URB1: variants seen among roughly 807,000 people sequenced by gnomAD.
The protein encoded by URB1 is URB1 ribosome biogenesis factor.
URB1 carries 197 observed loss-of-function variants against 242.3 expected under a neutral mutation model. That is an observed-to-expected ratio of 0.81 (90% CI 0.72 to 0.91). The LOEUF is 0.91. Ranked by LOEUF, URB1 falls within the 40% of genes least tolerant of loss-of-function variation. The pLI, the probability that URB1 is intolerant of heterozygous loss-of-function variation, is 0.00. For missense variants in URB1, 2,721 were observed against 2,860.5 expected (o/e 0.95, Z 1.11); for synonymous variants, 1,153 against 1,201.8 (o/e 0.96, Z 0.84).
chr21:32,312,892 T>C lies in URB1; in HGVS notation c.*2026A>G, dbSNP rs1422392637. On this transcript the variant is annotated 3_prime_UTR_variant, in exon 39 of 39. Transcript: ENST00000382751. ...CTAATTTAGCATTTTATATTTTAAGTCAGGTGAAGACCATGTTCGATCTAT... is the reference window on the plus strand; with the variant it reads ...CTAATTTAGCATTTTATATTTTAAGCCAGGTGAAGACCATGTTCGATCTAT... 2.0e-5 allele frequency: 3 copies of C among 152,130 alleles called. No individual in the cohort carries two copies. The highest frequency in any genetic ancestry group is 7.2e-5 in the African/African-American group (3 of 41,422). 9.4% of individuals were successfully genotyped at this position (152,130 alleles called of 1,614,324 possible). A position where few individuals can be genotyped will look rare whatever the true frequency, so the allele number is the denominator to read the frequency against.
At chr21:32,373,295 A>G (rs1424587206) in intron 7 of URB1, among the ~76,000 whole-genome samples, 2 of 152,180 alleles carry the variant, frequency 1.3e-5, no homozygotes, top group African/African-American at 4.8e-5. Flanking sequence ...ACAACTGGAC[A>G]TGAAAGAATG....
At position 32,321,785 on chromosome 21, in the gene URB1, T is replaced by G; in HGVS notation, c.5484+16A>C. 1 of 1,551,242 alleles carries G rather than the reference T, an allele frequency of 6.4e-7. No individual in the cohort carries two copies. The highest frequency in any genetic ancestry group is 8.7e-7 in the Non-Finnish European group (1 of 1,146,694). On this transcript the variant is annotated intron_variant, in intron 34 of 38. Transcript: ENST00000382751. ...CAGACCTCTCGCTCTCAAATAAGCT[T>G]GCGGAACCCATGTACCTGTGCTGCC... is the stretch of plus-strand genomic sequence containing the variant.
At chr21:32,364,740 G>A (rs2033326502) in intron 10 of URB1, among the ~76,000 whole-genome samples, 1 of 152,086 alleles carries the variant, frequency 6.6e-6, no homozygotes, top group South Asian at 2.1e-4. Context: ...TTCTCCTCCT[G>A]ACTCTAAAAT....
chr21:32,386,671 G>A (rs1205813664), intron 1 of URB1, among the ~76,000 whole-genome samples: 2 of 152,118 alleles, frequency 1.3e-5, no homozygotes, highest in Non-Finnish European at 2.9e-5. Flanking sequence ...ACTGTAGAAT[G>A]GGTATAACAA....
At chr21:32,337,936 A>G (rs946714187) in intron 26 of URB1, among the ~76,000 whole-genome samples, 9 of 152,068 alleles carry the variant, frequency 5.9e-5, no homozygotes, top group Non-Finnish European at 1.3e-4. Flanking sequence ...GCCAATACAG[A>G]TTTTCAATCC....
At chr21:32,361,851 A>G in intron 12 of URB1, 41 bp downstream of exon 12, 1 of 1,544,730 alleles carries the variant, frequency 6.5e-7, no homozygotes, top group Non-Finnish European at 8.7e-7. Flanking sequence ...GCTCTGTCCC[A>G]TGCAAAAGGC....
intron 6 of URB1, among the ~76,000 whole-genome samples, chr21:32,374,828 C>T (rs187047024): frequency 6.6e-6 from 1 of 152,130 alleles, no homozygotes; most frequent in African/African-American, 2.4e-5. Flanking sequence ...CAAAATTGCC[C>T]CCATTTGAGA....
intron 8 of URB1, among the ~76,000 whole-genome samples, chr21:32,369,542 C>T (rs1461371440): frequency 6.6e-6 from 1 of 152,130 alleles, no homozygotes; most frequent in African/African-American, 2.4e-5. Context: ...TCACTGCAGC[C>T]TCGAATTCCT....
At chr21:32,328,541 A>T (rs946227203) in intron 30 of URB1, among the ~76,000 whole-genome samples, 4 of 152,264 alleles carry the variant, frequency 2.6e-5, no homozygotes, top group Non-Finnish European at 4.4e-5. Context: ...GTTTTACAAA[A>T]GATGGAAGAA....
intron 17 of URB1, 28 bp downstream of exon 17, chr21:32,354,831 G>T (rs1280212462): frequency 1.3e-6 from 2 of 1,546,654 alleles, no homozygotes; most frequent in Admixed American, 2.0e-5. Flanking sequence ...TCAGACCTCT[G>T]AGCAGCGCAG....
intron 30 of URB1, 99 bp downstream of exon 30, chr21:32,333,218 G>C: frequency 2.1e-6 from 2 of 945,528 alleles, no homozygotes; most frequent in Non-Finnish European, 3.3e-6. Flanking sequence ...CCAAGATTCA[G>C]GTCCTCATGT....
chr21:32,345,444 G>C lies in URB1; in HGVS notation c.4000C>G (p.Arg1334Gly), dbSNP rs1224180387. The change falls in exon 23 of 39, where the codon CGA becomes GGA. Residue 1334 changes from arginine to glycine, a missense_variant. Physicochemically the swap from Arg to Gly is moderately radical, Grantham distance 125. Coordinates refer to ENST00000382751, the MANE Select transcript of URB1 (RefSeq NM_014825.3). Reference sequence around the variant, plus strand: ...ATGAGTACACTGAGATCCTTGGCTCGTGCAAACGGGACCAGCTGTGCCAGG... The same window carrying C: ...ATGAGTACACTGAGATCCTTGGCTCCTGCAAACGGGACCAGCTGTGCCAGG... Reference protein sequence around the residue: ...EILAQLVPFARAKDLSVLMDR... With the variant: ...EILAQLVPFAGAKDLSVLMDR... The C allele has an allele frequency of 3.2e-6, 5 of 1,551,426 alleles. No individual in the cohort carries two copies. Among genetic ancestry groups the C allele is most frequent in the Non-Finnish European group, 4.4e-6 (5 of 1,146,978 alleles).
Position 32,359,798 on chromosome 21 carries a change from G to A in URB1, c.1867C>T (p.Gln623Ter). 6.5e-7 allele frequency: 1 copy of A among 1,543,382 alleles called. No individual in the cohort carries two copies. Among genetic ancestry groups the A allele is most frequent in the Non-Finnish European group, 8.7e-7 (1 of 1,144,540 alleles). ...PASKFLWLKAQEGPDAEIIGG... is the reference protein window; with the variant it reads ...PASKFLWLKA ...AGACTGGGAGTTCTGCTTCCTACCT[G>A]TGCCTTTAACCACAGAAACTTGCTG... The change falls in exon 14 of 39, where the codon CAG (glutamine) becomes TAG (stop). Residue 623 changes from glutamine to a stop codon, truncating the protein, a stop_gained and splice_region_variant. Transcript: ENST00000382751. LOFTEE classifies it high-confidence loss of function.
chr21:32,378,483 C>G lies in URB1; in HGVS notation c.626G>C (p.Gly209Ala), dbSNP rs1362246634. ...VQFALSFLIA[G>A]DDSTIVQVLE... The stretch of plus-strand genomic sequence containing the variant: ...CACCTGCACTATAGTGCTGTCATCA[C>G]CCGCAATTAAAAAGGAGAGAGCAAA... The change falls in exon 5 of 39, where the codon GGT (glycine) becomes GCT (alanine). Residue 209 changes from glycine to alanine, a missense_variant. By Grantham distance (60) the Gly-to-Ala change is moderately conservative. Transcript: ENST00000382751. 2 of 1,551,710 alleles carry G rather than the reference C, an allele frequency of 1.3e-6. No homozygotes were observed. The highest frequency in any genetic ancestry group is 2.7e-5 in the African/African-American group (2 of 73,170).
chr21:32,363,030 C>T lies in URB1; in HGVS notation c.1509+126G>A, dbSNP rs1279345053. The T allele has an allele frequency of 6.4e-6, 8 of 1,248,300 alleles. No individual in the cohort carries two copies. The East Asian group carries it at 1.8e-4, about 28-fold the overall frequency. 77.3% of individuals were successfully genotyped at this position (1,248,300 alleles called of 1,614,324 possible). On this transcript the variant is annotated intron_variant, in intron 11 of 38. Transcript: ENST00000382751. ...CCTCAGCACCCACGCTACCACACTG[C>T]CCACCGGCCTGTCCAACCCTGCGGC...
In URB1 at chr21:32,354,212, A is replaced by G. The variant is rs2033192832; in HGVS notation, c.2246-109T>C. 4 of 1,291,992 alleles carry G rather than the reference A, an allele frequency of 3.1e-6. No individual in the cohort carries two copies. The Admixed American group carries it at 1.0e-4, about 33-fold the overall frequency. The allele number at this position is 1,291,992 out of a possible 1,614,324, so 80.0% of individuals were successfully genotyped here. ...AATACGTGCAAAAAGAAAAAAGCCA[A>G]ATTCCTCTTGGGGGGAGCATTTAAC... On this transcript the variant is annotated intron_variant, in intron 17 of 38. Transcript: ENST00000382751.
At position 32,326,368 on chromosome 21, in the gene URB1, GAT is replaced by G. The variant is rs1436529769; in HGVS notation, c.4961-981_4961-980del. Among the ~76,000 whole-genome samples the G allele has an allele frequency of 3.3e-5, 5 of 152,178 alleles. No individual in the cohort carries two copies. In the East Asian group the frequency reaches 9.6e-4, roughly 29 times the overall value. On this transcript the variant is annotated intron_variant, in intron 30 of 38. Transcript: ENST00000382751. ...ATCATGGAATATAACATCAATAAGA[GAT>G]AGTCCATTGATGACATTTTTAAAAG...
intron 38 of URB1, 128 bp from the exon 39 acceptor site, chr21:32,315,227 A>G (rs2032663740): frequency 1.2e-6 from 1 of 848,276 alleles, no homozygotes; most frequent in Non-Finnish European, 1.7e-6. Flanking sequence ...TGGGCAACCC[A>G]AGGTGAGCAC....
At position 32,316,966 on chromosome 21, in the gene URB1, G is replaced by A; in HGVS notation, c.6134C>T (p.Pro2045Leu). The change falls in exon 38 of 39, where the codon CCT (proline) becomes CTT (leucine). Residue 2045 changes from proline (P) to leucine (L), a missense_variant. Pro to Leu is a moderately conservative substitution (Grantham distance 98). Coordinates refer to ENST00000382751, the MANE Select transcript of URB1 (RefSeq NM_014825.3). The stretch of plus-strand genomic sequence containing the variant: ...CTCCAAGGTAGATGCCATCAGCTCA[G>A]GGTCAGCCATCTCCTCTGCCTCCCC... ...RPGEAEEMAD[P>L]ELMASTLETC... The A allele has an allele frequency of 6.4e-7, 1 of 1,551,720 alleles. No individual in the cohort carries two copies. The highest frequency in any genetic ancestry group is 1.2e-5 in the South Asian group (1 of 84,064).
Sources: gnomAD v4.1 joint callset for allele counts (sites outside exome capture counted in the v4.1 genomes callset) on GRCh38, gnomAD v4.1.1 for gene constraint, MANE v1.5 for transcripts, NCBI Gene and HGNC (gene_info 2026-07-23, HGNC 2026-07-21) for gene names.